MTCH1: variants seen among roughly 807,000 people sequenced by gnomAD.
MTCH1 encodes the protein mitochondrial carrier homolog 1.
In MTCH1, 23 loss-of-function variants were observed where a neutral mutation model predicts 49.3. The observed-to-expected ratio is 0.47, with a 90% CI of 0.34 to 0.66. MTCH1 has a LOEUF of 0.66. Among genes scored for constraint, MTCH1 ranks in the 30% least tolerant of loss-of-function variants. The pLI is 0.01. For synonymous variants in MTCH1, 229 were observed against 215.2 expected (o/e 1.06, Z -0.56); for missense variants, 397 against 532.1 (o/e 0.75, Z 2.50).
chr6:36,975,298 C>G (rs1340236029), intron 7 of MTCH1, among the ~76,000 whole-genome samples: 1 of 152,222 alleles, frequency 6.6e-6, no homozygotes, highest in Non-Finnish European at 1.5e-5. Flanking sequence ...AGAGCTCCAC[C>G]CTCAGTCCAA....
chr6:36,969,858 T>C, intron 11 of MTCH1, 181 bp downstream of exon 11: 1 of 1,537,386 alleles, frequency 6.5e-7, no homozygotes, highest in Non-Finnish European at 8.7e-7. Flanking sequence ...CCACCTCAAA[T>C]CCTTTCTGAA....
chr6:36,984,450 G>A (rs3822972), intron 1 of MTCH1, among the ~76,000 whole-genome samples: 24,170 of 151,694 alleles, frequency 0.16, 2,174 homozygotes, highest in East Asian at 0.39. Context: ...ACCATTCCTC[G>A]GATCCCAGAT....
Position 36,968,711 on chromosome 6 carries a change from T to A in MTCH1, c.*192A>T, listed in dbSNP as rs548164971. ...TCCCTAGGTCTGCCGGGTGACCCAA[T>A]CCACTGGGTGCAGCCCCACCCCCGC... On this transcript the variant is annotated 3_prime_UTR_variant, in exon 12 of 12. Transcript: ENST00000373627. The A allele has an allele frequency of 5.6e-6, 5 of 889,698 alleles. No homozygotes were observed. The Admixed American group carries it at 8.3e-5, about 15-fold the overall frequency. The allele number at this position is 889,698 out of a possible 1,614,324, so 55.1% of individuals were successfully genotyped here. A position where few individuals can be genotyped will look rare whatever the true frequency, so the allele number is the denominator to read the frequency against.
chr6:36,969,277 A>G (rs1221051953), intron 11 of MTCH1: 1 of 985,246 alleles, frequency 1.0e-6, no homozygotes, highest in Non-Finnish European at 1.2e-6. Flanking sequence ...GCTCATAGGG[A>G]GGACGAGACA....
intron 2 of MTCH1, among the ~76,000 whole-genome samples, chr6:36,980,630 G>A (rs749972908): frequency 6.6e-6 from 1 of 152,240 alleles, no homozygotes; most frequent in Non-Finnish European, 1.5e-5. Context: ...ATGTGAAATG[G>A]AAAAGGTAAG....
In MTCH1 at chr6:36,977,249, G is replaced by A. The variant is rs371098419; in HGVS notation, c.651C>T (p.Val217=). ...VSRMLAHPLH[V]ISMRCMVQFV... ...ACTGGACCATGCAGCGCATTGAGAT[G>A]ACTGAGGAAAAAAAAGAAAACACAC... is the stretch of plus-strand genomic sequence containing the variant. The change falls in exon 6 of 12, where the codon GTC becomes GTT. Residue 217 remains valine, a splice_region_variant and synonymous_variant. Transcript: ENST00000373627. This position sits in a 1 kb window ranked among gnomAD's most constrained non-coding sequence, Gnocchi z 5.4. 4 of 1,613,952 alleles carry A rather than the reference G, an allele frequency of 2.5e-6. No homozygotes were observed. The highest frequency in any genetic ancestry group is 2.5e-6 in the Non-Finnish European group (3 of 1,179,952).
chr6:36,986,143 A>T lies in MTCH1; in HGVS notation c.31T>A (p.Trp11Arg). ...ATCCCCGCGGCACCGCCGCGAGCCC[A>T]GGGCGCCACTTCCGGGTCCGAAGCT... MGASDPEVAP[W>R]ARGGAAGMAG... The change falls in exon 1 of 12, where the codon TGG (tryptophan) becomes AGG (arginine). Residue 11 changes from tryptophan (W) to arginine (R), a missense_variant. By Grantham distance (101) the Trp-to-Arg change is moderately radical. Transcript: ENST00000373627. The T allele has an allele frequency of 3.5e-6, 5 of 1,434,608 alleles. No homozygotes were observed. The highest frequency in any genetic ancestry group is 4.5e-6 in the Non-Finnish European group (5 of 1,102,478). The allele number at this position is 1,434,608 out of a possible 1,614,324, so 88.9% of individuals were successfully genotyped here.
intron 7 of MTCH1, among the ~76,000 whole-genome samples, chr6:36,975,252 C>G (rs1334299198): frequency 6.6e-6 from 1 of 152,252 alleles, no homozygotes; most frequent in Non-Finnish European, 1.5e-5. Context: ...CAATGTCAAA[C>G]AGAATCCACT....
intron 3 of MTCH1, 61 bp from the exon 4 acceptor site, chr6:36,978,216 G>C: frequency 2.1e-6 from 3 of 1,432,060 alleles, no homozygotes; most frequent in Non-Finnish European, 3.0e-6. Context: ...ACTCTTCGGG[G>C]ACTTGGGCGG....
At chr6:36,969,392 C>T (rs1020949308) in intron 11 of MTCH1, 82 of 1,079,142 alleles carry the variant, frequency 7.6e-5, no homozygotes, top group Non-Finnish European at 8.8e-5. Context: ...TTCTGGCTCC[C>T]TCCGGGCCAC....
chr6:36,975,240 A>G (rs3997729), intron 7 of MTCH1, among the ~76,000 whole-genome samples: 9,465 of 152,334 alleles, frequency 0.062, 968 homozygotes, highest in African/African-American at 0.21. Flanking sequence ...TTGTCAGAAA[A>G]GCAATGTCAA....
chr6:36,972,523 C>T lies in MTCH1; in HGVS notation c.906+129G>A. The T allele has an allele frequency of 1.7e-6, 2 of 1,149,286 alleles. No homozygotes were observed. Among genetic ancestry groups the T allele is most frequent in the Admixed American group, 2.8e-5 (1 of 35,126 alleles). The allele number at this position is 1,149,286 out of a possible 1,614,324, so 71.2% of individuals were successfully genotyped here. ...TTCTCCCCTTAGACAAAGATGACTCCAGGGATAATGAGAGGTCCTCTCTCA... is the reference window on the plus strand; with the variant it reads ...TTCTCCCCTTAGACAAAGATGACTCTAGGGATAATGAGAGGTCCTCTCTCA... On this transcript the variant is annotated intron_variant, in intron 8 of 11. Coordinates refer to ENST00000373627, the MANE Select transcript of MTCH1 (RefSeq NM_001271641.2). The surrounding 1 kb of genome is among the most constrained non-coding windows in gnomAD (Gnocchi z 4.1).
intron 8 of MTCH1, among the ~76,000 whole-genome samples, chr6:36,971,438 G>A (rs1050366806): frequency 6.6e-5 from 10 of 152,064 alleles, no homozygotes; most frequent in South Asian, 2.1e-4. Flanking sequence ...ACCACTTAGC[G>A]GTGCACTCCT....
intron 2 of MTCH1, among the ~76,000 whole-genome samples, chr6:36,980,036 C>T (rs1444049087): frequency 6.6e-6 from 1 of 152,184 alleles, no homozygotes; most frequent in Non-Finnish European, 1.5e-5. Context: ...ATGACAGCTG[C>T]AGTACTTTCA....
rs548227872 is a variant in MTCH1 at position 36,974,246 on chromosome 6, G to A, written c.761+1412C>T. Among the ~76,000 whole-genome samples, 14 of 152,112 alleles carry A rather than the reference G, an allele frequency of 9.2e-5. No homozygotes were observed. In the South Asian group the frequency reaches 1.2e-3, roughly 14 times the overall value. Reference sequence around the variant, plus strand: ...GACAGGGTCTCACTCTATCACCCAGGCTGGAGTGCAGTGGTGCAATCATAG... The same window carrying A: ...GACAGGGTCTCACTCTATCACCCAGACTGGAGTGCAGTGGTGCAATCATAG... On this transcript the variant is annotated intron_variant, in intron 7 of 11. Transcript: ENST00000373627.
chr6:36,981,716 T>C lies in MTCH1; in HGVS notation c.322-44A>G, dbSNP rs370704170. ...CAAAGGGACGCTCAGAGTCTCGTGG[T>C]GATTCAGCCTCACCACCTCTCCTCA... On this transcript the variant is annotated intron_variant, in intron 1 of 11. Transcript: ENST00000373627. 879 of 1,549,960 alleles carry C rather than the reference T, an allele frequency of 5.7e-4. 7 individuals carry two copies. In the South Asian group the frequency reaches 9.6e-3, roughly 17 times the overall value.
chr6:36,970,076 T>C lies in MTCH1; in HGVS notation c.1061A>G (p.Lys354Arg). ...AGLPPYSPVFKSWIHCWKYLS... is the reference protein window; with the variant it reads ...AGLPPYSPVFRSWIHCWKYLS... ...GTACTTCCAGCAGTGAATCCAGGAT[T>C]TGAACACTGGGGAGTAAGGGGGGAG... Residue 354 changes from lysine (K) to arginine (R), a missense_variant, in exon 11 of 12, where the codon AAA becomes AGA. Physicochemically the swap from Lys to Arg is conservative, Grantham distance 26. This residue lies in a region of MTCH1 where 252 missense variants were observed against 388.3 expected (regional missense o/e 0.65). Coordinates refer to ENST00000373627, the MANE Select transcript of MTCH1 (RefSeq NM_001271641.2). 2.3e-5 allele frequency: 37 copies of C among 1,614,168 alleles called. No individual in the cohort carries two copies. Among genetic ancestry groups the C allele is most frequent in the Non-Finnish European group, 3.1e-5 (37 of 1,180,038 alleles).
intron 10 of MTCH1, 45 bp from the exon 11 acceptor site, chr6:36,970,159 G>A: frequency 6.3e-7 from 1 of 1,595,468 alleles, no homozygotes; most frequent in Non-Finnish European, 8.6e-7. Flanking sequence ...GTGGAAGACA[G>A]CCAGCCACGG....
At chr6:36,969,861 T>A in intron 11 of MTCH1, 178 bp downstream of exon 11, 1 of 1,538,672 alleles carries the variant, frequency 6.5e-7, no homozygotes, top group Non-Finnish European at 8.7e-7. Flanking sequence ...CCTCAAATCC[T>A]TTCTGAAATT....
Sources: gnomAD v4.1 joint callset for allele counts (sites outside exome capture counted in the v4.1 genomes callset) on GRCh38, gnomAD v4.1.1 for gene constraint, gnomAD v4.1.1 regional missense constraint, Gnocchi (gnomAD v3.1) non-coding constraint, MANE v1.5 for transcripts, NCBI Gene and HGNC (gene_info 2026-07-23, HGNC 2026-07-21) for gene names.